Variants in USP13 observed in about 807,000 individuals in gnomAD.
The protein encoded by USP13 is ubiquitin carboxyl-terminal hydrolase 13.
A neutral mutation model predicts 107.8 loss-of-function variants in USP13; 68 were observed. That is an observed-to-expected ratio of 0.63 (90% CI 0.52 to 0.77). The LOEUF is 0.77. Ranked by LOEUF, USP13 falls within the 30% of genes least tolerant of loss-of-function variation. The pLI, the probability that USP13 is intolerant of heterozygous loss-of-function variation, is 0.00. For synonymous variants in USP13, 377 were observed against 389.5 expected (o/e 0.97, Z 0.38); for missense variants, 945 against 1,093.3 (o/e 0.86, Z 1.91).
intron 19 of USP13, among the ~76,000 whole-genome samples, chr3:179,770,580 G>C (rs1276223024): frequency 6.6e-6 from 1 of 151,860 alleles, no homozygotes; most frequent in Non-Finnish European, 1.5e-5. Context: ...TTTCTGGTTG[G>C]TGAATTGACT....
At chr3:179,696,407 C>T (rs922905113) in intron 3 of USP13, among the ~76,000 whole-genome samples, 2 of 147,294 alleles carry the variant, frequency 1.4e-5, no homozygotes, top group African/African-American at 2.5e-5. Flanking sequence ...CTTGGCTCAC[C>T]GCAACCTCCG....
rs539369080 is a variant in USP13 at position 179,786,345 on chromosome 3, G to T, written c.*2204G>T. 3.3e-5 allele frequency: 5 copies of T among 152,292 alleles called. No individual in the cohort carries two copies. The highest frequency in any genetic ancestry group is 1.2e-4 in the African/African-American group (5 of 41,562). The allele number at this position is 152,292 out of a possible 1,614,324, so 9.4% of individuals were successfully genotyped here. A position where few individuals can be genotyped will look rare whatever the true frequency, so the allele number is the denominator to read the frequency against. On this transcript the variant is annotated 3_prime_UTR_variant, in exon 21 of 21. Transcript: ENST00000263966. ...TGGTTTGGATTGAAATGTGGACAAA[G>T]ATAGCATGTGTATTTTGAATAAAAT...
chr3:179,744,109 TA>T (rs1440076113), intron 12 of USP13, among the ~76,000 whole-genome samples: 2 of 152,128 alleles, frequency 1.3e-5, no homozygotes, highest in African/African-American at 4.8e-5. Context: ...TCTGGGTTGG[TA>T]GCCCTGATGT....
intron 13 of USP13, among the ~76,000 whole-genome samples, chr3:179,745,996 T>C (rs2108517595): frequency 6.6e-6 from 1 of 152,172 alleles, no homozygotes; most frequent in East Asian, 1.9e-4. Context: ...AAAGAGTGCT[T>C]GCAGTGGCAT....
intron 6 of USP13, among the ~76,000 whole-genome samples, chr3:179,713,791 A>G (rs1713009796): frequency 6.6e-6 from 1 of 152,204 alleles, no homozygotes; most frequent in Non-Finnish European, 1.5e-5. Context: ...GGACTCAAAT[A>G]TTTAATGGTA....
In USP13 at chr3:179,707,027, T is replaced by C. The variant is rs760524975; in HGVS notation, c.571T>C (p.Tyr191His). Residue 191 changes from tyrosine to histidine, a missense_variant, in exon 5 of 21, where the codon TAT becomes CAT. Physicochemically the swap from Tyr to His is moderately conservative, Grantham distance 83. Coordinates refer to ENST00000263966, the MANE Select transcript of USP13 (RefSeq NM_003940.3). ...TWENELPVSK[Y>H]ANNLTQLDNG... The stretch of plus-strand genomic sequence containing the variant: ...GGAAAATGAATTGCCAGTATCTAAA[T>C]ATGCCAACAACCTCACCCAGCTGGA... The C allele has an allele frequency of 1.2e-6, 2 of 1,614,118 alleles. No individual in the cohort carries two copies. Among genetic ancestry groups the C allele is most frequent in the East Asian group, 2.2e-5 (1 of 44,868 alleles).
At chr3:179,741,563 G>T (rs1287351178) in intron 11 of USP13, among the ~76,000 whole-genome samples, 1 of 151,874 alleles carries the variant, frequency 6.6e-6, no homozygotes, top group Non-Finnish European at 1.5e-5. Context: ...CACCATGTTG[G>T]CCAGGCTGGT....
intron 19 of USP13, among the ~76,000 whole-genome samples, chr3:179,776,453 T>G (rs573877648): frequency 6.6e-6 from 1 of 152,206 alleles, no homozygotes; most frequent in East Asian, 1.9e-4. Context: ...AATCAAAGAG[T>G]ACAATTGCTG....
chr3:179,693,006 C>T (rs1034174901), intron 3 of USP13, among the ~76,000 whole-genome samples: 4 of 152,142 alleles, frequency 2.6e-5, no homozygotes, highest in East Asian at 3.8e-4. Context: ...CCACAAGGTG[C>T]ATATAGAACT....
intron 1 of USP13, among the ~76,000 whole-genome samples, chr3:179,661,843 C>A (rs1255488215): frequency 6.6e-6 from 1 of 152,130 alleles, no homozygotes; most frequent in Non-Finnish European, 1.5e-5. Context: ...ATTTAGAAGG[C>A]AAAAGAGAAG....
chr3:179,686,981 A>T (rs567083379), intron 2 of USP13, among the ~76,000 whole-genome samples: 1 of 152,130 alleles, frequency 6.6e-6, no homozygotes, highest in Non-Finnish European at 1.5e-5. Flanking sequence ...CTAGGATGCC[A>T]TTTGGCCATC....
At chr3:179,715,361 T>C (rs574043382) in intron 6 of USP13, among the ~76,000 whole-genome samples, 1 of 126,016 alleles carries the variant, frequency 7.9e-6, no homozygotes, top group Non-Finnish European at 1.9e-5. Flanking sequence ...GTGTTTATTT[T>C]TCTTTCTTTT....
chr3:179,753,078 T>G (rs1486661161), intron 14 of USP13, among the ~76,000 whole-genome samples: 3 of 152,214 alleles, frequency 2.0e-5, no homozygotes, highest in African/African-American at 7.2e-5. Context: ...CTCAGTGGTG[T>G]GGAAGAATGT....
intron 1 of USP13, among the ~76,000 whole-genome samples, chr3:179,654,177 G>A (rs2108424126): frequency 7.5e-6 from 1 of 132,622 alleles, no homozygotes; most frequent in East Asian, 2.2e-4. Context: ...TCGCGCCACT[G>A]CCCTCCAGCC....
At chr3:179,774,169 A>C (rs548105224) in intron 19 of USP13, among the ~76,000 whole-genome samples, 3 of 152,138 alleles carry the variant, frequency 2.0e-5, no homozygotes, top group African/African-American at 7.2e-5. Context: ...AAGAGGTGTC[A>C]TGTTTTTTTA....
At chr3:179,745,421 A>G (rs188132175) in intron 13 of USP13, among the ~76,000 whole-genome samples, 101 of 152,234 alleles carry the variant, frequency 6.6e-4, no homozygotes, top group African/African-American at 2.3e-3. Flanking sequence ...TGTGATTTAT[A>G]TTACGTGCTA....
At chr3:179,751,157 A>G (rs6772052) in intron 13 of USP13, among the ~76,000 whole-genome samples, 86,937 of 151,990 alleles carry the variant, frequency 0.57, 25,369 homozygotes, top group East Asian at 0.72. Flanking sequence ...TTAAAAACAA[A>G]ATGATAAATG....
At chr3:179,773,068 C>G (rs2108546910) in intron 19 of USP13, among the ~76,000 whole-genome samples, 1 of 152,276 alleles carries the variant, frequency 6.6e-6, no homozygotes, top group African/African-American at 2.4e-5. Context: ...TTTGTCCCCT[C>G]CAAATCTCAT....
chr3:179,750,630 A>G (rs1256182390), intron 13 of USP13, among the ~76,000 whole-genome samples: 2 of 152,218 alleles, frequency 1.3e-5, no homozygotes, highest in Non-Finnish European at 2.9e-5. Context: ...TAAAATACAG[A>G]TAAGTGACAG....
Sources: allele counts gnomAD v4.1 joint callset (sites outside exome capture counted in the v4.1 genomes callset), GRCh38; gene constraint gnomAD v4.1.1; transcripts MANE v1.5; gene names NCBI Gene and HGNC (gene_info 2026-07-23, HGNC 2026-07-21).